The following DIAPH1 variants were observed in gnomAD, a reference collection of about 807,000 sequenced individuals.
DIAPH1 encodes protein diaphanous homolog 1.
A neutral mutation model predicts 140.7 loss-of-function variants in DIAPH1; 46 were observed. The ratio of observed to expected loss-of-function variants is 0.33; its 90% confidence interval spans 0.26 to 0.42. The LOEUF (loss-of-function observed/expected upper bound fraction) is 0.42, where lower values mean the gene tolerates loss of function less well. Ranked by LOEUF, DIAPH1 falls within the 10% of genes least tolerant of loss-of-function variation. The pLI, the probability that DIAPH1 is intolerant of heterozygous loss-of-function variation, is 1.00. For synonymous variants in DIAPH1, 565 were observed against 551.6 expected (o/e 1.02, Z -0.34); for missense variants, 1,310 against 1,558.7 (o/e 0.84, Z 2.69).
chr5:141,586,994 T>A (rs191963639), intron 3 of DIAPH1, 48 bp downstream of exon 3: 654 of 1,606,652 alleles, frequency 4.1e-4, no homozygotes, highest in Non-Finnish European at 5.3e-4. Context: ...GCCCACCATG[T>A]CCATAAATGC....
Position 141,578,284 on chromosome 5 carries a change from T to G in DIAPH1, c.1104A>C (p.Gln368His). Reference sequence around the variant, plus strand: ...TCAGGTCATAGGAATCCTCTTCCCCTTGTTCATCAAACACATTTAGTTGCA... The same window carrying G: ...TCAGGTCATAGGAATCCTCTTCCCCGTGTTCATCAAACACATTTAGTTGCA... ...MRVQLNVFDE[Q>H]GEEDSYDLKG... The change falls in exon 11 of 28, where the codon CAA becomes CAC. Residue 368 changes from glutamine to histidine, a missense_variant. Gln to His is a conservative substitution (Grantham distance 24, BLOSUM62 0). Around this residue, in one of 3 missense-constraint regions of DIAPH1, gnomAD observed 377 missense variants for 497.1 expected, o/e 0.76. Coordinates refer to ENST00000389054, the MANE Select transcript of DIAPH1 (RefSeq NM_005219.5). 2 of 1,614,204 alleles carry G rather than the reference T, an allele frequency of 1.2e-6. No homozygotes were observed. Among genetic ancestry groups the G allele is most frequent in the Non-Finnish European group, 1.7e-6 (2 of 1,180,014 alleles).
At chr5:141,517,419 C>G (rs1019954019) in intron 27 of DIAPH1, among the ~76,000 whole-genome samples, 1 of 152,158 alleles carries the variant, frequency 6.6e-6, no homozygotes, top group African/African-American at 2.4e-5. Flanking sequence ...TTGACAGGTC[C>G]CAGGAAACTC....
intron 1 of DIAPH1, among the ~76,000 whole-genome samples, chr5:141,615,615 T>C (rs995631701): frequency 8.0e-5 from 12 of 150,620 alleles, no homozygotes; most frequent in Non-Finnish European, 1.8e-4. Context: ...TGGTGGCAGG[T>C]GCCTGTAGTC....
At chr5:141,611,174 G>A (rs2099901785) in intron 1 of DIAPH1, among the ~76,000 whole-genome samples, 1 of 152,130 alleles carries the variant, frequency 6.6e-6, no homozygotes, top group Non-Finnish European at 1.5e-5. Flanking sequence ...GAGCCCAGGA[G>A]TTTCAAGGCT....
At chr5:141,535,572 T>C (rs1314461324) in intron 18 of DIAPH1, among the ~76,000 whole-genome samples, 1 of 152,238 alleles carries the variant, frequency 6.6e-6, no homozygotes, top group Non-Finnish European at 1.5e-5. Flanking sequence ...CACCTAGATT[T>C]TGAACTTCAA....
chr5:141,518,924 G>A (rs1016534393), intron 27 of DIAPH1: 47 of 1,549,828 alleles, frequency 3.0e-5, no homozygotes, highest in African/African-American at 9.6e-5. Flanking sequence ...CAGGGAACAC[G>A]CAGCATGCAC....
At chr5:141,534,033 CAAAAAAAAAAAA>C (rs35815835) in intron 19 of DIAPH1, among the ~76,000 whole-genome samples, 5 of 49,984 alleles carry the variant, frequency 1.0e-4, no homozygotes, top group South Asian at 1.0e-3. Flanking sequence ...GACTGTGTCT[CAAAAAAAAAAAA>C]AAAAAAAAAA....
intron 1 of DIAPH1, among the ~76,000 whole-genome samples, chr5:141,611,570 AAGACAGACAAAAGAAAGTC>A (rs1194673627): frequency 2.6e-5 from 4 of 152,204 alleles, no homozygotes; most frequent in African/African-American, 7.2e-5. Context: ...GACAGAATGA[AAGACAGACAAAAGAAAGTC>A]AGACAGACAA....
rs35990401 is a variant in DIAPH1 at position 141,519,271 on chromosome 5, C to G, written c.3662-2263G>C. On this transcript the variant is annotated intron_variant, in intron 27 of 27. Coordinates refer to ENST00000389054, the MANE Select transcript of DIAPH1 (RefSeq NM_005219.5). The stretch of plus-strand genomic sequence containing the variant: ...CATTTCCACTCTCTTCTGAAGTACT[C>G]CCTCTCTAGACCCCATTTCTCATAT... Among the ~76,000 whole-genome samples the G allele has an allele frequency of 4.8e-3, 737 of 152,280 alleles. 1 individual carries two copies. Among genetic ancestry groups the G allele is most frequent in the Non-Finnish European group, 5.0e-3 (338 of 68,034 alleles).
At chr5:141,582,091 A>T in intron 7 of DIAPH1, 6 of 304,820 alleles carry the variant, frequency 2.0e-5, no homozygotes, top group East Asian at 7.0e-5. Context: ...AAAAAAAGAG[A>T]GAGAAACAAA....
intron 19 of DIAPH1, among the ~76,000 whole-genome samples, chr5:141,531,865 G>C (rs998340022): frequency 6.6e-6 from 1 of 152,044 alleles, no homozygotes; most frequent in African/African-American, 2.4e-5. Flanking sequence ...ATCTCACCTA[G>C]TTTAAAACAA....
At chr5:141,611,643 T>C (rs2099901853) in intron 1 of DIAPH1, among the ~76,000 whole-genome samples, 1 of 152,194 alleles carries the variant, frequency 6.6e-6, no homozygotes, top group South Asian at 2.1e-4. Flanking sequence ...GGAAAAATCA[T>C]GAGCAGATTC....
intron 18 of DIAPH1, among the ~76,000 whole-genome samples, chr5:141,547,239 G>C (rs569645247): frequency 6.6e-6 from 1 of 152,362 alleles, no homozygotes; most frequent in South Asian, 2.1e-4. Context: ...GCCAAGGCGG[G>C]CGGATCATGA....
At chr5:141,578,153 T>C (rs755505415) in intron 11 of DIAPH1, 72 bp downstream of exon 11, 22 of 1,132,860 alleles carry the variant, frequency 1.9e-5, no homozygotes, top group Admixed American at 3.4e-5. Flanking sequence ...CCCAAACCAT[T>C]CCACACAGGG....
In DIAPH1 at chr5:141,515,271, C is replaced by T. The variant is rs2099885510; in HGVS notation, c.*1580G>A. ...AACAGACGCCCTGCATCAGAGTCCT[C>T]CCAGGAATAGTCCAAAGGAGCTGCT... is the stretch of plus-strand genomic sequence containing the variant. On this transcript the variant is annotated 3_prime_UTR_variant, in exon 28 of 28. Transcript: ENST00000389054. 6.6e-6 allele frequency: 1 copy of T among 152,380 alleles called. No individual in the cohort carries two copies. Among genetic ancestry groups the T allele is most frequent in the African/African-American group, 2.4e-5 (1 of 41,434 alleles). 9.4% of individuals were successfully genotyped at this position (152,380 alleles called of 1,614,324 possible).
intron 1 of DIAPH1, among the ~76,000 whole-genome samples, chr5:141,589,744 T>C (rs2099898096): frequency 2.0e-5 from 3 of 152,170 alleles, no homozygotes; most frequent in South Asian, 4.1e-4. Flanking sequence ...GTCCAGTTTA[T>C]AATTATTCTG....
chr5:141,601,078 G>C (rs2099900075), intron 1 of DIAPH1, among the ~76,000 whole-genome samples: 1 of 152,012 alleles, frequency 6.6e-6, no homozygotes. Flanking sequence ...GGCCTGTTGT[G>C]GGATGGGGGG....
chr5:141,518,825 G>C (rs777144441), intron 27 of DIAPH1: 1 of 990,346 alleles, frequency 1.0e-6, no homozygotes, highest in Non-Finnish European at 1.6e-6. Flanking sequence ...GCCTGCCAAA[G>C]CCCAAGTCTT....
rs770671399 is a variant in DIAPH1 at position 141,584,237 on chromosome 5, A to AG, written c.301-13dup. 12 of 1,511,456 alleles carry AG rather than the reference A, an allele frequency of 7.9e-6. No individual in the cohort carries two copies. In the South Asian group the frequency reaches 1.4e-4, roughly 17 times the overall value. The allele number at this position is 1,511,456 out of a possible 1,614,324, so 93.6% of individuals were successfully genotyped here. On this transcript the variant is annotated splice_polypyrimidine_tract_variant and intron_variant, in intron 3 of 27. Coordinates refer to ENST00000389054, the MANE Select transcript of DIAPH1 (RefSeq NM_005219.5). ...AGGTTCATATCCAGCTAGGAGAGGG[A>AG]GAAAAAAGAGAAAAAACAAAATTGC...
Sources: gnomAD v4.1 joint callset for allele counts (sites outside exome capture counted in the v4.1 genomes callset) on GRCh38, gnomAD v4.1.1 for gene constraint, gnomAD v4.1.1 regional missense constraint, MANE v1.5 for transcripts, NCBI Gene and HGNC (gene_info 2026-07-23, HGNC 2026-07-21) for gene names.